C8orf34: variants seen among roughly 807,000 people sequenced by gnomAD.
The protein encoded by C8orf34 is uncharacterized protein C8orf34.
In C8orf34, 65 loss-of-function variants were observed where a neutral mutation model predicts 68.3. The observed-to-expected ratio is 0.95, with a 90% CI of 0.78 to 1.17. The LOEUF (loss-of-function observed/expected upper bound fraction) is 1.17, where lower values mean the gene tolerates loss of function less well. C8orf34 is among the 50% of genes most tolerant of loss of function. The pLI is 0.00. For missense variants in C8orf34, 664 were observed against 655.4 expected (o/e 1.01, Z -0.14); for synonymous variants, 244 against 241.2 (o/e 1.01, Z -0.11).
At chr8:68,750,328 C>T (rs933171423) in intron 10 of C8orf34, among the ~76,000 whole-genome samples, 4 of 152,100 alleles carry the variant, frequency 2.6e-5, no homozygotes, top group African/African-American at 9.7e-5. Flanking sequence ...GAAAACATTA[C>T]ACTAAGTAAA....
At chr8:68,776,534 C>T (rs1823524424) in intron 11 of C8orf34, 85 bp downstream of exon 11, 2 of 1,090,940 alleles carry the variant, frequency 1.8e-6, no homozygotes, top group Non-Finnish European at 2.8e-6. Flanking sequence ...TCTCCATCTA[C>T]TTGTAGGGTT....
At chr8:68,717,236 T>C (rs1338760345) in intron 9 of C8orf34, among the ~76,000 whole-genome samples, 3 of 152,052 alleles carry the variant, frequency 2.0e-5, no homozygotes, top group Non-Finnish European at 2.9e-5. Context: ...ATCTAAATAA[T>C]ATGTTCTTTA....
At chr8:68,596,911 G>C (rs547882826) in intron 7 of C8orf34, among the ~76,000 whole-genome samples, 1 of 152,112 alleles carries the variant, frequency 6.6e-6, no homozygotes, top group South Asian at 2.1e-4. Context: ...TCCTGTTATG[G>C]GAAGATAAAC....
chr8:68,353,653 A>ATATG (rs1297677341), intron 1 of C8orf34, among the ~76,000 whole-genome samples: 1 of 147,960 alleles, frequency 6.8e-6, no homozygotes, highest in Non-Finnish European at 1.5e-5. Flanking sequence ...ATATATATAT[A>ATATG]TATAGTTGAT....
chr8:68,587,230 G>A (rs958531885), intron 7 of C8orf34, among the ~76,000 whole-genome samples: 1 of 152,068 alleles, frequency 6.6e-6, no homozygotes, highest in Non-Finnish European at 1.5e-5. Context: ...AGGATGAAAT[G>A]TCATGTGTCA....
intron 12 of C8orf34, among the ~76,000 whole-genome samples, chr8:68,803,995 C>T (rs898460139): frequency 6.6e-6 from 1 of 152,000 alleles, no homozygotes; most frequent in Non-Finnish European, 1.5e-5. Flanking sequence ...TTTGGTAGTT[C>T]GTGAAAGGTT....
At chr8:68,352,856 A>G (rs1806570779) in intron 1 of C8orf34, among the ~76,000 whole-genome samples, 1 of 152,148 alleles carries the variant, frequency 6.6e-6, no homozygotes, top group East Asian at 1.9e-4. Flanking sequence ...ATAAGTATGT[A>G]CAGATAGTAA....
intron 7 of C8orf34, among the ~76,000 whole-genome samples, chr8:68,627,468 G>A (rs569779817): frequency 4.6e-5 from 7 of 152,248 alleles, no homozygotes; most frequent in Admixed American, 1.3e-4. Context: ...AGGAATTTCT[G>A]TGATTTTTAT....
intron 7 of C8orf34, among the ~76,000 whole-genome samples, chr8:68,636,094 C>G (rs1050327275): frequency 6.6e-6 from 1 of 152,036 alleles, no homozygotes. Context: ...AAGTTGTTGG[C>G]ATGGGAAAAC....
chr8:68,401,672 T>C (rs1265202981), intron 1 of C8orf34, among the ~76,000 whole-genome samples: 1 of 150,916 alleles, frequency 6.6e-6, no homozygotes, highest in Non-Finnish European at 1.5e-5. Context: ...TTCTTCTTAA[T>C]TCTGTTTTAT....
chr8:68,433,125 G>C (rs1810516237), intron 1 of C8orf34, among the ~76,000 whole-genome samples: 1 of 152,130 alleles, frequency 6.6e-6, no homozygotes, highest in African/African-American at 2.4e-5. Flanking sequence ...ATGAAATACT[G>C]TTGGGTAGTG....
chr8:68,360,752 C>CTTTTTTTTTTTTTTTTTTTT (rs1319672272), intron 1 of C8orf34, among the ~76,000 whole-genome samples: 1 of 144,192 alleles, frequency 6.9e-6, no homozygotes, highest in African/African-American at 2.7e-5. Flanking sequence ...CCTTTTCTTC[C>CTTTTTTTTTTTTTTTTTTTT]TTTCTTTTTT....
intron 1 of C8orf34, among the ~76,000 whole-genome samples, chr8:68,425,972 A>G (rs952894111): frequency 2.6e-5 from 4 of 152,184 alleles, no homozygotes; most frequent in African/African-American, 9.6e-5. Flanking sequence ...TTTGTAGGGA[A>G]AAATTGACTC....
intron 4 of C8orf34, among the ~76,000 whole-genome samples, chr8:68,472,795 T>C (rs1033495412): frequency 2.0e-5 from 3 of 152,186 alleles, no homozygotes; most frequent in Non-Finnish European, 4.4e-5. Context: ...GTATTCCATA[T>C]AAAAAATTTT....
intron 7 of C8orf34, among the ~76,000 whole-genome samples, chr8:68,634,229 C>T (rs1169146007): frequency 6.6e-6 from 1 of 152,166 alleles, no homozygotes; most frequent in Non-Finnish European, 1.5e-5. Context: ...GCATCTTTCA[C>T]ATTGGAATTT....
At chr8:68,471,872 C>T (rs1812390534) in intron 4 of C8orf34, among the ~76,000 whole-genome samples, 1 of 151,512 alleles carries the variant, frequency 6.6e-6, no homozygotes, top group Admixed American at 6.6e-5. Flanking sequence ...TTATATCTCT[C>T]AAAATGATAG....
At chr8:68,537,819 A>G (rs780167129) in intron 7 of C8orf34, among the ~76,000 whole-genome samples, 2 of 152,096 alleles carry the variant, frequency 1.3e-5, no homozygotes, top group Non-Finnish European at 1.5e-5. Context: ...GCAAAATATC[A>G]AAACATTTGC....
rs562840538 is a variant in C8orf34 at position 68,408,833 on chromosome 8, G to C, written c.328-30666G>C. ...AGACGGAGTCTTGCTCTGTCACCCA[G>C]GCTAGAGTGCAGTGGTGCAATCTCG... is the stretch of plus-strand genomic sequence containing the variant. On this transcript the variant is annotated intron_variant, in intron 1 of 13. Transcript: ENST00000518698. Among the ~76,000 whole-genome samples, 26 of 152,132 alleles carry C rather than the reference G, an allele frequency of 1.7e-4. No homozygotes were observed. The South Asian group carries it at 5.4e-3, about 32-fold the overall frequency.
At chr8:68,425,319 G>A (rs1810162565) in intron 1 of C8orf34, among the ~76,000 whole-genome samples, 1 of 152,122 alleles carries the variant, frequency 6.6e-6, no homozygotes, top group Admixed American at 6.6e-5. Flanking sequence ...AAGGCATACA[G>A]ATTTGAATGG....
Sources: allele counts gnomAD v4.1 joint callset (sites outside exome capture counted in the v4.1 genomes callset), GRCh38; gene constraint gnomAD v4.1.1; transcripts MANE v1.5; gene names NCBI Gene and HGNC (gene_info 2026-07-23, HGNC 2026-07-21).